The following LPP variants were observed in gnomAD, a reference collection of about 807,000 sequenced individuals.
The protein encoded by LPP is lipoma-preferred partner.
Under a neutral mutation model 60.4 loss-of-function variants are expected in LPP, and 38 were observed. The ratio of observed to expected loss-of-function variants is 0.63; its 90% confidence interval spans 0.49 to 0.83. The LOEUF (loss-of-function observed/expected upper bound fraction) is 0.83, where lower values mean the gene tolerates loss of function less well. LPP is among the 40% of genes least tolerant of loss of function. The pLI, the probability that LPP is intolerant of heterozygous loss-of-function variation, is 0.00. For synonymous variants in LPP, 328 were observed against 290.8 expected, an observed-to-expected ratio of 1.13 and a Z score of -1.30; for missense variants, 902 against 783.6, an observed-to-expected ratio of 1.15 and a Z score of -1.80.
intron 8 of LPP, among the ~76,000 whole-genome samples, chr3:188,723,415 G>A (rs1478126747): frequency 6.6e-6 from 1 of 152,102 alleles, no homozygotes; most frequent in Admixed American, 6.5e-5. Context: ...AGAGTTTGGG[G>A]CCCCTCAGTA....
intron 6 of LPP, among the ~76,000 whole-genome samples, chr3:188,577,036 G>A (rs1051358961): frequency 2.0e-5 from 3 of 152,154 alleles, no homozygotes; most frequent in African/African-American, 4.8e-5. Flanking sequence ...TCATACAGAC[G>A]TGTTGTGTAG....
chr3:188,314,911 G>C (rs1754593450), intron 2 of LPP, among the ~76,000 whole-genome samples: 1 of 151,978 alleles, frequency 6.6e-6, no homozygotes, highest in Non-Finnish European at 1.5e-5. Context: ...TTTAAAATAT[G>C]GTAGAATTCC....
At chr3:188,620,179 ATTAAT>A (rs1224099111) in intron 7 of LPP, among the ~76,000 whole-genome samples, 7 of 152,180 alleles carry the variant, frequency 4.6e-5, no homozygotes, top group African/African-American at 1.2e-4. Context: ...TGGCGATTAA[ATTAAT>A]TTAATTTAAC....
In LPP at chr3:188,597,711, C is replaced by T. The variant is rs142348154; in HGVS notation, c.430-11450C>T. 4.3e-3 allele frequency among the ~76,000 whole-genome samples: 653 copies of T among 152,160 alleles called. 4 individuals carry two copies. The highest frequency in any genetic ancestry group is 0.014 in the African/African-American group (601 of 41,508). On this transcript the variant is annotated intron_variant, in intron 6 of 11. Coordinates refer to ENST00000617246, the MANE Select transcript of LPP (RefSeq NM_001375462.1). Reference sequence around the variant, plus strand: ...TGGGAAGTGTGGGCAATTCTGTTACCGAACTATTTCCCTTATTGTTTCATT... The same window carrying T: ...TGGGAAGTGTGGGCAATTCTGTTACTGAACTATTTCCCTTATTGTTTCATT...
intron 3 of LPP, among the ~76,000 whole-genome samples, chr3:188,349,606 G>T (rs1391703814): frequency 1.3e-5 from 2 of 152,206 alleles, no homozygotes. Context: ...TATAAACTCG[G>T]TATAAACCTT....
At chr3:188,240,623 T>A in intron 2 of LPP, among the ~76,000 whole-genome samples, 2 of 152,280 alleles carry the variant, frequency 1.3e-5, no homozygotes, top group South Asian at 4.1e-4. Context: ...CATATTTGGG[T>A]AGAAACTTTC....
rs77534498 is a variant in LPP, at chr3:188,512,649, G to A, written c.307-12016G>A. Among the ~76,000 whole-genome samples the A allele has an allele frequency of 6.7e-3, 1,026 of 152,082 alleles. 12 individuals carry two copies. Among genetic ancestry groups the A allele is most frequent in the African/African-American group, 0.023 (972 of 41,498 alleles). On this transcript the variant is annotated intron_variant, in intron 5 of 11. Coordinates refer to ENST00000617246, the MANE Select transcript of LPP (RefSeq NM_001375462.1). Reference sequence around the variant, plus strand: ...ATGACGCTTTGCTTTATATCTCTGAGTACATGATATGGAATATGGGACATG... The same window carrying A: ...ATGACGCTTTGCTTTATATCTCTGAATACATGATATGGAATATGGGACATG...
At chr3:188,383,553 A>G (rs1267682336) in intron 3 of LPP, among the ~76,000 whole-genome samples, 3 of 152,192 alleles carry the variant, frequency 2.0e-5, no homozygotes, top group Non-Finnish European at 4.4e-5. Context: ...TAAAAATCTT[A>G]ATAATATTAA....
intron 5 of LPP, among the ~76,000 whole-genome samples, chr3:188,494,074 T>C (rs1230444895): frequency 6.6e-6 from 1 of 152,154 alleles, no homozygotes; most frequent in African/African-American, 2.4e-5. Context: ...TGGGAATATA[T>C]AGTTATTTAA....
At chr3:188,163,550 T>A (rs1296168491) in intron 1 of LPP, among the ~76,000 whole-genome samples, 2 of 151,876 alleles carry the variant, frequency 1.3e-5, no homozygotes, top group Admixed American at 6.6e-5. Context: ...GAATATTGAG[T>A]GAGGTAGTGT....
intron 6 of LPP, among the ~76,000 whole-genome samples, chr3:188,535,127 A>C (rs1475669997): frequency 6.6e-6 from 1 of 152,148 alleles, no homozygotes; most frequent in Non-Finnish European, 1.5e-5. Flanking sequence ...CCATTTGCGC[A>C]TTTTGGTCTC....
intron 5 of LPP, among the ~76,000 whole-genome samples, chr3:188,510,637 C>T (rs1200652192): frequency 1.3e-5 from 2 of 152,306 alleles, no homozygotes; most frequent in African/African-American, 4.8e-5. Context: ...GAGCCAATCT[C>T]CTTATATGCC....
intron 8 of LPP, among the ~76,000 whole-genome samples, chr3:188,735,666 G>C (rs1722249281): frequency 6.6e-6 from 1 of 152,168 alleles, no homozygotes; most frequent in Admixed American, 6.5e-5. Flanking sequence ...TTACAGGCAT[G>C]AGCCACTGTG....
chr3:188,612,640 C>G (rs982724472), intron 7 of LPP, among the ~76,000 whole-genome samples: 4 of 152,182 alleles, frequency 2.6e-5, no homozygotes, highest in African/African-American at 9.7e-5. Flanking sequence ...GACTATTCAG[C>G]TTTCCACTCG....
At chr3:188,557,271 A>G (rs1414474765) in intron 6 of LPP, among the ~76,000 whole-genome samples, 2 of 152,132 alleles carry the variant, frequency 1.3e-5, no homozygotes, top group Non-Finnish European at 2.9e-5. Context: ...ATGCACGAAT[A>G]AAGGTAACTA....
intron 7 of LPP, among the ~76,000 whole-genome samples, chr3:188,674,946 A>G (rs573261166): frequency 1.4e-3 from 215 of 152,344 alleles, no homozygotes; most frequent in African/African-American, 5.1e-3. Flanking sequence ...TGTGTGAATG[A>G]ATATTACTAT....
intron 9 of LPP, among the ~76,000 whole-genome samples, chr3:188,798,143 T>C (rs1260648058): frequency 6.6e-6 from 1 of 152,184 alleles, no homozygotes; most frequent in African/African-American, 2.4e-5. Flanking sequence ...AAAATATAAG[T>C]AGTAATGACA....
chr3:188,273,311 T>C (rs1328228163), intron 2 of LPP, among the ~76,000 whole-genome samples: 1 of 152,230 alleles, frequency 6.6e-6, no homozygotes, highest in Non-Finnish European at 1.5e-5. Context: ...GAAAACAGAA[T>C]TGAGGATTTC....
chr3:188,255,957 A>G (rs1163188613), intron 2 of LPP, among the ~76,000 whole-genome samples: 1 of 152,232 alleles, frequency 6.6e-6, no homozygotes, highest in Non-Finnish European at 1.5e-5. Context: ...CAGCATAAAA[A>G]TGTTGGCAAT....
Sources: allele counts gnomAD v4.1 joint callset (sites outside exome capture counted in the v4.1 genomes callset), GRCh38; gene constraint gnomAD v4.1.1; transcripts MANE v1.5; gene names NCBI Gene and HGNC (gene_info 2026-07-23, HGNC 2026-07-21).